The following LHFPL4 variants were observed in gnomAD, a reference collection of about 807,000 sequenced individuals.
The protein encoded by LHFPL4 is LHFPL tetraspan subfamily member 4.
In LHFPL4, 6 loss-of-function variants were observed where a neutral mutation model predicts 20.0. That is an observed-to-expected ratio of 0.30 (90% CI 0.16 to 0.59). The LOEUF is 0.59. LHFPL4 is among the 20% of genes least tolerant of loss of function. The pLI is 0.88. For synonymous variants in LHFPL4, 129 were observed against 143.8 expected (o/e 0.90, Z 0.74); for missense variants, 215 against 331.2 (o/e 0.65, Z 2.72).
intron 2 of LHFPL4, among the ~76,000 whole-genome samples, chr3:9,547,900 G>A (rs1416332320): frequency 2.6e-5 from 4 of 152,126 alleles, no homozygotes; most frequent in African/African-American, 9.7e-5. Flanking sequence ...CCGCCTCCCA[G>A]GCTCAAGCGA....
At chr3:9,538,859 C>T (rs983346671) in intron 2 of LHFPL4, among the ~76,000 whole-genome samples, 11 of 151,884 alleles carry the variant, frequency 7.2e-5, no homozygotes, top group Admixed American at 4.6e-4. Context: ...CCACCACGCC[C>T]GGCTAATTTT....
intron 2 of LHFPL4, among the ~76,000 whole-genome samples, chr3:9,533,862 T>C (rs543088949): frequency 6.6e-6 from 1 of 152,058 alleles, no homozygotes; most frequent in East Asian, 1.9e-4. Context: ...GCTTTTTTCA[T>C]AGTCATGTTC....
At chr3:9,509,055 C>T (rs2046239789) in intron 2 of LHFPL4, among the ~76,000 whole-genome samples, 1 of 152,202 alleles carries the variant, frequency 6.6e-6, no homozygotes, top group African/African-American at 2.4e-5. Context: ...TGCATCCCGG[C>T]GCTCCCAGCT....
chr3:9,502,456 C>T (rs1013958735), intron 3 of LHFPL4, 145 bp from the exon 4 acceptor site: 6 of 657,844 alleles, frequency 9.1e-6, no homozygotes, highest in Non-Finnish European at 1.7e-5. Context: ...AATCCCAGCA[C>T]TTTGGGAGGC....
At chr3:9,520,993 A>C (rs1317480621) in intron 2 of LHFPL4, among the ~76,000 whole-genome samples, 3 of 152,076 alleles carry the variant, frequency 2.0e-5, no homozygotes, top group Admixed American at 6.5e-5. Context: ...TCCATTTCTG[A>C]TAGAGAGGTC....
At chr3:9,508,145 G>A (rs1163131294) in intron 2 of LHFPL4, among the ~76,000 whole-genome samples, 1 of 152,202 alleles carries the variant, frequency 6.6e-6, no homozygotes, top group African/African-American at 2.4e-5. Context: ...GGCTGTGCCA[G>A]CTCCCTCCCA....
chr3:9,537,574 C>A lies in LHFPL4; in HGVS notation c.406+14700G>T, dbSNP rs573654316. Among the ~76,000 whole-genome samples the A allele has an allele frequency of 7.9e-5, 12 of 152,326 alleles. No individual in the cohort carries two copies. The East Asian group carries it at 2.3e-3, about 29-fold the overall frequency. ...CTATTGTCCTAGGCTGGCTCTGCCA[C>A]ATCCACCTCTAGGATTTGGTGAAAA... On this transcript the variant is annotated intron_variant, in intron 2 of 3. Transcript: ENST00000287585.
intron 2 of LHFPL4, among the ~76,000 whole-genome samples, chr3:9,526,872 G>A (rs765284752): frequency 5.3e-5 from 8 of 152,286 alleles, no homozygotes; most frequent in Non-Finnish European, 8.8e-5. Flanking sequence ...CAGGGGGCAT[G>A]AGGCCCTGCC....
In LHFPL4 at chr3:9,506,168, C is replaced by A; in HGVS notation, c.442G>T (p.Asp148Tyr). 6.2e-7 allele frequency: 1 copy of A among 1,614,168 alleles called. No homozygotes were observed. ...CGGATGGTCTCGGCATCCCAGCCATCAGGAAAGATCATGCAGCCCAGGACG... is the reference window on the plus strand; with the variant it reads ...CGGATGGTCTCGGCATCCCAGCCATAAGGAAAGATCATGCAGCCCAGGACG... ...CLVLGCMIFP[D>Y]GWDAETIRDM... Residue 148 changes from aspartate (D) to tyrosine (Y), a missense_variant, in exon 3 of 4, where the codon GAT (aspartate) becomes TAT (tyrosine). Asp to Tyr is a radical substitution (Grantham distance 160, BLOSUM62 -3). Transcript: ENST00000287585. This position sits in a 1 kb window ranked among gnomAD's most constrained non-coding sequence, Gnocchi z 4.5.
At chr3:9,534,411 G>A (rs569000464) in intron 2 of LHFPL4, among the ~76,000 whole-genome samples, 1 of 152,148 alleles carries the variant, frequency 6.6e-6, no homozygotes, top group Non-Finnish European at 1.5e-5. Flanking sequence ...TGGATACCCT[G>A]CTAAGTGAAA....
In LHFPL4 at chr3:9,498,622, C is replaced by G. The variant is rs1194568733; in HGVS notation, c.*3589G>C. The G allele has an allele frequency of 6.5e-6, 1 of 152,686 alleles. No individual in the cohort carries two copies. The highest frequency in any genetic ancestry group is 1.5e-5 in the Non-Finnish European group (1 of 68,092). 9.5% of individuals were successfully genotyped at this position (152,686 alleles called of 1,614,324 possible). A position where few individuals can be genotyped will look rare whatever the true frequency, so the allele number is the denominator to read the frequency against. On this transcript the variant is annotated 3_prime_UTR_variant, in exon 4 of 4. Transcript: ENST00000287585. ...TGTTCCCTGTTCAGGAAACTCCAGT[C>G]CCACCCAAAGGTTAGCCGTGGGCCA...
intron 2 of LHFPL4, among the ~76,000 whole-genome samples, chr3:9,541,720 C>T (rs1480762241): frequency 6.7e-6 from 1 of 150,058 alleles, no homozygotes; most frequent in Admixed American, 6.7e-5. Context: ...TGCAATGAGT[C>T]GAGATCGCAC....
intron 2 of LHFPL4, among the ~76,000 whole-genome samples, chr3:9,533,957 T>C: frequency 6.6e-6 from 1 of 151,748 alleles, no homozygotes; most frequent in Non-Finnish European, 1.5e-5. Flanking sequence ...CTCATGCCTG[T>C]AATTCCAGCA....
intron 2 of LHFPL4, among the ~76,000 whole-genome samples, chr3:9,519,140 T>C (rs185812030): frequency 6.6e-6 from 1 of 152,194 alleles, no homozygotes; most frequent in East Asian, 1.9e-4. Flanking sequence ...GGCTTCTCCA[T>C]GTTGCCCAGG....
intron 2 of LHFPL4, among the ~76,000 whole-genome samples, chr3:9,537,353 T>C (rs947205505): frequency 6.6e-6 from 1 of 152,148 alleles, no homozygotes; most frequent in Non-Finnish European, 1.5e-5. Context: ...GCTCACAGTT[T>C]TGGAGGGGGG....
intron 2 of LHFPL4, among the ~76,000 whole-genome samples, chr3:9,549,532 C>A (rs570239455): frequency 1.3e-5 from 2 of 152,074 alleles, no homozygotes; most frequent in Non-Finnish European, 2.9e-5. Flanking sequence ...CCCATCTCTA[C>A]TAAAAATACA....
At chr3:9,552,171 C>G in intron 2 of LHFPL4, 103 bp downstream of exon 2, 1 of 1,457,702 alleles carries the variant, frequency 6.9e-7, no homozygotes, top group Non-Finnish European at 9.2e-7. Flanking sequence ...TGTCTTAACA[C>G]AGAGAAGCAG....
In LHFPL4 at chr3:9,502,184, C is replaced by A; in HGVS notation, c.*27G>T. On this transcript the variant is annotated 3_prime_UTR_variant, in exon 4 of 4. Coordinates refer to ENST00000287585, the MANE Select transcript of LHFPL4 (RefSeq NM_198560.3). ...AAGGCAGGACAAGCTGAGGTCAGGC[C>A]AATTACTGGGCTGTGATCCTGGCCT... 3 of 1,546,392 alleles carry A rather than the reference C, an allele frequency of 1.9e-6. No individual in the cohort carries two copies. The highest frequency in any genetic ancestry group is 1.8e-6 in the Non-Finnish European group (2 of 1,118,480).
intron 2 of LHFPL4, among the ~76,000 whole-genome samples, chr3:9,525,396 T>C (rs910088265): frequency 1.3e-5 from 2 of 152,244 alleles, no homozygotes; most frequent in African/African-American, 2.4e-5. Flanking sequence ...ATGGGTTCCT[T>C]CTGCTCCTGT....
Sources: gnomAD v4.1 joint callset for allele counts (sites outside exome capture counted in the v4.1 genomes callset) on GRCh38, gnomAD v4.1.1 for gene constraint, Gnocchi (gnomAD v3.1) non-coding constraint, MANE v1.5 for transcripts, NCBI Gene and HGNC (gene_info 2026-07-23, HGNC 2026-07-21) for gene names.